The following ADCY3 variants were observed in gnomAD, a reference collection of about 807,000 sequenced individuals.
ADCY3 encodes adenylate cyclase type 3.
A neutral mutation model predicts 119.4 loss-of-function variants in ADCY3; 70 were observed. That is an observed-to-expected ratio of 0.59 (90% CI 0.48 to 0.72). The LOEUF (loss-of-function observed/expected upper bound fraction) is 0.72, where lower values mean the gene tolerates loss of function less well. ADCY3 is among the 30% of genes least tolerant of loss of function. ADCY3 has a pLI of 0.00. For synonymous variants in ADCY3, 672 were observed against 621.4 expected (o/e 1.08, Z -1.21); for missense variants, 1,238 against 1,541.6 (o/e 0.80, Z 3.30).
chr2:24,825,062 G>GC (rs1668386508), intron 16 of ADCY3, among the ~76,000 whole-genome samples: 1 of 152,154 alleles, frequency 6.6e-6, no homozygotes, highest in African/African-American at 2.4e-5. Flanking sequence ...GATCCAGGAG[G>GC]CCTTCCGTGT....
chr2:24,856,361 C>T (rs1417575693), intron 3 of ADCY3, among the ~76,000 whole-genome samples: 1 of 152,198 alleles, frequency 6.6e-6, no homozygotes, highest in Non-Finnish European at 1.5e-5. Context: ...AAATACATGT[C>T]ACTGTAACCC....
At chr2:24,854,223 A>AAC (rs1394282481) in intron 3 of ADCY3, among the ~76,000 whole-genome samples, 5 of 152,246 alleles carry the variant, frequency 3.3e-5, no homozygotes, top group Non-Finnish European at 1.5e-5. Context: ...GGCCTGGACT[A>AAC]AACAGAGGAG....
At chr2:24,870,878 C>T (rs932459900) in intron 3 of ADCY3, among the ~76,000 whole-genome samples, 7 of 152,234 alleles carry the variant, frequency 4.6e-5, no homozygotes, top group Admixed American at 3.9e-4. Flanking sequence ...TCAATACCTC[C>T]ACTTTGCAGA....
intron 15 of ADCY3, 164 bp from the exon 16 acceptor site, chr2:24,826,290 A>AGTCGGGCTCCCCCGGGCAGTAAAG (rs1668609101): frequency 4.1e-5 from 25 of 614,652 alleles, no homozygotes; most frequent in Non-Finnish European, 7.2e-5. Context: ...GGGCAGTAAA[A>AGTCGGGCTCCCCCGGGCAGTAAAG]TTTTCTTAAC....
chr2:24,848,902 C>T (rs1228593692), intron 3 of ADCY3, among the ~76,000 whole-genome samples: 1 of 152,216 alleles, frequency 6.6e-6, no homozygotes, highest in African/African-American at 2.4e-5. Flanking sequence ...CTGCTTACTG[C>T]AGGTGGGACA....
chr2:24,868,205 A>G (rs1026489081), intron 3 of ADCY3, among the ~76,000 whole-genome samples: 1 of 152,218 alleles, frequency 6.6e-6, no homozygotes, highest in African/African-American at 2.4e-5. Flanking sequence ...GTGCACTTCT[A>G]CGTCGCCCAT....
At chr2:24,903,311 C>G (rs1280248330) in intron 2 of ADCY3, among the ~76,000 whole-genome samples, 1 of 152,184 alleles carries the variant, frequency 6.6e-6, no homozygotes, top group Non-Finnish European at 1.5e-5. Context: ...TTTTCATGTA[C>G]AGTACAATTC....
At chr2:24,868,012 A>T (rs950063404) in intron 3 of ADCY3, among the ~76,000 whole-genome samples, 1 of 152,170 alleles carries the variant, frequency 6.6e-6, no homozygotes, top group African/African-American at 2.4e-5. Context: ...TTCATTTTTT[A>T]AAGATTTTGA....
chr2:24,854,050 C>T (rs1190847768), intron 3 of ADCY3, among the ~76,000 whole-genome samples: 1 of 152,226 alleles, frequency 6.6e-6, no homozygotes, highest in Admixed American at 6.5e-5. Context: ...ACAGAGGCCA[C>T]TTCTCCCAGG....
intron 2 of ADCY3, among the ~76,000 whole-genome samples, chr2:24,889,398 C>G (rs1677420728): frequency 6.6e-6 from 1 of 152,222 alleles, no homozygotes; most frequent in African/African-American, 2.4e-5. Context: ...TTCACCAGAA[C>G]TCCATGTTGC....
At chr2:24,838,775 C>T in intron 7 of ADCY3, 153 bp from the exon 8 acceptor site, 3 of 1,593,520 alleles carry the variant, frequency 1.9e-6, no homozygotes, top group Non-Finnish European at 2.6e-6. Context: ...AGTTCTGCCA[C>T]TAACTAGCTG....
chr2:24,833,811 C>T (rs560360665), intron 11 of ADCY3, among the ~76,000 whole-genome samples: 17 of 152,310 alleles, frequency 1.1e-4, no homozygotes, highest in East Asian at 1.9e-4. Flanking sequence ...CAGATGCTGC[C>T]GGAGCCTGCA....
chr2:24,820,001 C>T lies in ADCY3; in HGVS notation c.3366G>A (p.Arg1122=), dbSNP rs1243411554. Residue 1122 remains arginine (R), a synonymous_variant, in exon 22 of 22, where the codon CGG becomes CGA. Coordinates refer to ENST00000679454, the MANE Select transcript of ADCY3 (RefSeq NM_004036.5). Reference sequence around the variant, plus strand: ...CATTGGGGAAGGTGGCTAGCTTATCCCGCCCCTTCAAGAAGAAGGTCAGCA... The same window carrying T: ...CATTGGGGAAGGTGGCTAGCTTATCTCGCCCCTTCAAGAAGAAGGTCAGCA... ...GELLTFFLKG[R]DKLATFPNGP... 6 of 1,612,986 alleles carry T rather than the reference C, an allele frequency of 3.7e-6. No homozygotes were observed. In the Admixed American group the frequency reaches 5.0e-5, roughly 13 times the overall value.
chr2:24,907,997 AAAAAAT>A (rs1365373017), intron 2 of ADCY3, among the ~76,000 whole-genome samples: 10 of 151,840 alleles, frequency 6.6e-5, no homozygotes, highest in Non-Finnish European at 1.5e-4. Context: ...CTCTCTCAAG[AAAAAAT>A]AAAAATAAAA....
At position 24,839,959 on chromosome 2, in the gene ADCY3, G is replaced by A. The variant is rs768280246; in HGVS notation, c.1269C>T (p.Gly423=). ...ACTGCCAGCGCTTCTGGCCCAGGACGCCCCCCAGCACGGTGCCCGTGTGCA... is the reference window on the plus strand; with the variant it reads ...ACTGCCAGCGCTTCTGGCCCAGGACACCCCCCAGCACGGTGCCCGTGTGCA... ...VGVHTGTVLG[G]VLGQKRWQYD... is the part of the protein sequence containing the mutation. The change falls in exon 7 of 22, where the codon GGC becomes GGT. Residue 423 remains glycine, a synonymous_variant. Coordinates refer to ENST00000679454, the MANE Select transcript of ADCY3 (RefSeq NM_004036.5). The A allele has an allele frequency of 6.8e-5, 109 of 1,613,674 alleles. No individual in the cohort carries two copies. The highest frequency in any genetic ancestry group is 1.0e-4 in the Admixed American group (6 of 60,000).
chr2:24,882,951 T>C (rs1249546923), intron 2 of ADCY3, among the ~76,000 whole-genome samples: 1 of 151,552 alleles, frequency 6.6e-6, no homozygotes, highest in African/African-American at 2.4e-5. Context: ...CCCAAGTTAT[T>C]TGGGAGGCTG....
At chr2:24,857,144 A>G (rs916617673) in intron 3 of ADCY3, among the ~76,000 whole-genome samples, 4 of 152,240 alleles carry the variant, frequency 2.6e-5, no homozygotes, top group Non-Finnish European at 5.9e-5. Flanking sequence ...TTACCCTGCC[A>G]GAGCAGGAGA....
At chr2:24,896,965 A>G (rs990009927) in intron 2 of ADCY3, among the ~76,000 whole-genome samples, 1 of 152,154 alleles carries the variant, frequency 6.6e-6, no homozygotes, top group Admixed American at 6.5e-5. Flanking sequence ...CCAAGGAATC[A>G]CAGTCCACCA....
At chr2:24,884,668 G>A (rs1215657906) in intron 2 of ADCY3, among the ~76,000 whole-genome samples, 3 of 151,750 alleles carry the variant, frequency 2.0e-5, no homozygotes, top group Non-Finnish European at 4.4e-5. Flanking sequence ...GTAGAGACAG[G>A]GTTTTGCCAC....
Sources: allele counts gnomAD v4.1 joint callset (sites outside exome capture counted in the v4.1 genomes callset), GRCh38; gene constraint gnomAD v4.1.1; transcripts MANE v1.5; gene names NCBI Gene and HGNC (gene_info 2026-07-23, HGNC 2026-07-21).